The following PRKAR1B variants were observed in gnomAD, a reference collection of about 807,000 sequenced individuals.
PRKAR1B encodes cAMP-dependent protein kinase type I-beta regulatory subunit.
Under a neutral mutation model 46.5 loss-of-function variants are expected in PRKAR1B, and 22 were observed. That is an observed-to-expected ratio of 0.47 (90% CI 0.34 to 0.68). PRKAR1B has a LOEUF of 0.68. Ranked by LOEUF, PRKAR1B falls within the 30% of genes least tolerant of loss-of-function variation. The pLI is 0.01. For missense variants in PRKAR1B, 445 were observed against 535.6 expected, an observed-to-expected ratio of 0.83 and a Z score of 1.67; for synonymous variants, 259 against 217.7, an observed-to-expected ratio of 1.19 and a Z score of -1.67.
At position 593,440 on chromosome 7, in the gene PRKAR1B, G is replaced by A. The variant is rs933470093; in HGVS notation, c.708+2706C>T. On this transcript the variant is annotated intron_variant, in intron 7 of 10. Coordinates refer to ENST00000537384, the MANE Select transcript of PRKAR1B (RefSeq NM_001164760.2). The surrounding 1 kb of genome is among the most constrained non-coding windows in gnomAD (Gnocchi z 6.1). ...CGGCCAGCTATTCTTAGCGCACAGG[G>A]ACCCAAAATTAAAACAGAGGAAGCG... Among the ~76,000 whole-genome samples, 2 of 152,170 alleles carry A rather than the reference G, an allele frequency of 1.3e-5. No individual in the cohort carries two copies. The highest frequency in any genetic ancestry group is 2.9e-5 in the Non-Finnish European group (2 of 68,030).
In PRKAR1B at chr7:666,854, C is replaced by A. The variant is rs967254450; in HGVS notation, c.440+10375G>T. ...GATAGCCGGGCCAGCCTCCAAGGGG[C>A]AAGGCACCATCCAGAAGAAGTACCT... is the stretch of plus-strand genomic sequence containing the variant. On this transcript the variant is annotated intron_variant, in intron 4 of 10. Coordinates refer to ENST00000537384, the MANE Select transcript of PRKAR1B (RefSeq NM_001164760.2). The surrounding 1 kb of genome is among the most constrained non-coding windows in gnomAD (Gnocchi z 4.9). Among the ~76,000 whole-genome samples the A allele has an allele frequency of 6.6e-5, 10 of 152,218 alleles. No individual in the cohort carries two copies. Among genetic ancestry groups the A allele is most frequent in the African/African-American group, 2.4e-4 (10 of 41,444 alleles).
intron 4 of PRKAR1B, among the ~76,000 whole-genome samples, chr7:629,807 G>C (rs1783630746): frequency 1.0e-5 from 1 of 95,828 alleles, no homozygotes; most frequent in African/African-American, 4.6e-5. Context: ...CCACCCCAGG[G>C]CTGGAAAACG....
chr7:724,065 C>T (rs1423876171), intron 1 of PRKAR1B, among the ~76,000 whole-genome samples: 1 of 152,154 alleles, frequency 6.6e-6, no homozygotes, highest in Non-Finnish European at 1.5e-5. Context: ...TCTGCAAAGA[C>T]CTTGTCTCCA....
At chr7:662,638 C>A (rs1378031473) in intron 4 of PRKAR1B, among the ~76,000 whole-genome samples, 1 of 149,650 alleles carries the variant, frequency 6.7e-6, no homozygotes, top group Non-Finnish European at 1.5e-5. Context: ...ACTCTCCCCG[C>A]CATGCCACAG....
chr7:590,787 A>G (rs939866082), intron 7 of PRKAR1B, among the ~76,000 whole-genome samples: 3 of 152,126 alleles, frequency 2.0e-5, no homozygotes, highest in Non-Finnish European at 2.9e-5. Context: ...CCCAAGACCA[A>G]GACGGTGCAG....
chr7:576,563 G>A (rs991646498), intron 9 of PRKAR1B, among the ~76,000 whole-genome samples: 8 of 152,062 alleles, frequency 5.3e-5, no homozygotes, highest in East Asian at 1.9e-4. Context: ...ACGTGGAGAC[G>A]GAAGTGACTC....
chr7:575,790 G>C (rs895524027), intron 9 of PRKAR1B, among the ~76,000 whole-genome samples: 1 of 152,160 alleles, frequency 6.6e-6, no homozygotes, highest in African/African-American at 2.4e-5. Flanking sequence ...GCCCAGGCTG[G>C]TCTTGAATGC....
intron 7 of PRKAR1B, among the ~76,000 whole-genome samples, chr7:587,237 T>C (rs142122732): frequency 5.9e-5 from 9 of 152,300 alleles, no homozygotes; most frequent in Non-Finnish European, 8.8e-5. Flanking sequence ...TTTCTTCTCC[T>C]GAGGGGTGCT....
chr7:570,273 A>C (rs894039527), intron 9 of PRKAR1B, among the ~76,000 whole-genome samples: 6 of 152,154 alleles, frequency 3.9e-5, no homozygotes, highest in Non-Finnish European at 7.4e-5. Context: ...AGGGTGGGCC[A>C]GGGATTTGGT....
At chr7:711,181 G>T in intron 2 of PRKAR1B, 148 bp downstream of exon 2, 2 of 1,112,222 alleles carry the variant, frequency 1.8e-6, no homozygotes, top group Non-Finnish European at 2.5e-6. Context: ...CTCTCTCCCC[G>T]CGCTTCTGGA....
chr7:677,098 A>G, intron 4 of PRKAR1B, 131 bp downstream of exon 4: 7 of 854,268 alleles, frequency 8.2e-6, no homozygotes, highest in Non-Finnish European at 1.3e-5. Context: ...CCAGGCGAGC[A>G]ACGGGGGCTG....
chr7:571,820 C>T (rs980726577), intron 9 of PRKAR1B, among the ~76,000 whole-genome samples: 2 of 152,224 alleles, frequency 1.3e-5, no homozygotes, highest in African/African-American at 4.8e-5. Flanking sequence ...GGCCGAATGC[C>T]GCTCCACTTT....
intron 2 of PRKAR1B, among the ~76,000 whole-genome samples, chr7:695,603 T>C (rs368612224): frequency 6.1e-4 from 92 of 152,054 alleles, no homozygotes; most frequent in Admixed American, 8.5e-4. Context: ...GCTACAGGAA[T>C]TGTGACCAAA....
chr7:628,235 C>T (rs530867772), intron 4 of PRKAR1B, among the ~76,000 whole-genome samples: 6 of 152,258 alleles, frequency 3.9e-5, no homozygotes, highest in Admixed American at 2.0e-4. Context: ...CCGGATCTGC[C>T]TCTGCATCCC....
intron 4 of PRKAR1B, among the ~76,000 whole-genome samples, chr7:613,270 C>T (rs1460031725): frequency 4.8e-5 from 7 of 146,510 alleles, no homozygotes; most frequent in Non-Finnish European, 7.4e-5. Context: ...CTTGTACTGA[C>T]GTGTATTTTC....
At chr7:628,897 T>C (rs1783568719) in intron 4 of PRKAR1B, among the ~76,000 whole-genome samples, 1 of 151,366 alleles carries the variant, frequency 6.6e-6, no homozygotes, top group African/African-American at 2.4e-5. Flanking sequence ...CCCCTCAGGG[T>C]TCGTCGGGGA....
intron 4 of PRKAR1B, among the ~76,000 whole-genome samples, chr7:676,829 C>A (rs564315213): frequency 7.3e-6 from 1 of 136,266 alleles, no homozygotes; most frequent in African/African-American, 2.8e-5. Flanking sequence ...CCTACCTCCC[C>A]GAGGGCAAGG....
chr7:661,456 C>G (rs1456841605), intron 4 of PRKAR1B, among the ~76,000 whole-genome samples: 4 of 104,260 alleles, frequency 3.8e-5, no homozygotes, highest in African/African-American at 7.9e-5. Context: ...TACTCTCCCC[C>G]CCATGGCACA....
chr7:664,752 C>T (rs1460253030), intron 4 of PRKAR1B, among the ~76,000 whole-genome samples: 4 of 149,450 alleles, frequency 2.7e-5, no homozygotes, highest in Non-Finnish European at 4.5e-5. Context: ...TCTACAAAAA[C>T]TAAAAAAAAA....
Sources: gnomAD v4.1 joint callset for allele counts (sites outside exome capture counted in the v4.1 genomes callset) on GRCh38, gnomAD v4.1.1 for gene constraint, Gnocchi (gnomAD v3.1) non-coding constraint, MANE v1.5 for transcripts, NCBI Gene and HGNC (gene_info 2026-07-23, HGNC 2026-07-21) for gene names.